MUC5B: variants seen among roughly 807,000 people sequenced by gnomAD.
The protein encoded by MUC5B is mucin-5B.
MUC5B carries 116 observed loss-of-function variants against 376.9 expected under a neutral mutation model. That is an observed-to-expected ratio of 0.31 (90% CI 0.26 to 0.36). MUC5B has a LOEUF of 0.36. MUC5B is among the 10% of genes least tolerant of loss of function. The probability of loss-of-function intolerance (pLI) is 1.00; values close to 1 mark genes in which losing one functional copy is unlikely to be tolerated. For synonymous variants in MUC5B, 3,517 were observed against 3,390.9 expected, an observed-to-expected ratio of 1.04 and a Z score of -1.29; for missense variants, 7,165 against 7,769.9, an observed-to-expected ratio of 0.92 and a Z score of 2.93.
chr11:1,227,085 C>T lies in MUC5B; in HGVS notation c.516C>T (p.Tyr172=), dbSNP rs759012701. 11 of 1,612,588 alleles carry T rather than the reference C, an allele frequency of 6.8e-6. No individual in the cohort carries two copies. The highest frequency in any genetic ancestry group is 9.3e-6 in the Non-Finnish European group (11 of 1,179,770). Residue 172 remains tyrosine, a synonymous_variant, in exon 5 of 49, where the codon TAC becomes TAT. Transcript: ENST00000529681. ...TGLLVEQSGD[Y]IKVSIRLVLT... ...TCCTGGTGGAGCAGAGCGGGGACTA[C>T]ATCAAGGTCAGCATCCGGCTGGTGC...
In MUC5B at chr11:1,246,625, T is replaced by A. The variant is rs1249355801; in HGVS notation, c.9745T>A (p.Trp3249Arg). 6.2e-7 allele frequency: 1 copy of A among 1,611,086 alleles called. No homozygotes were observed. The change falls in exon 31 of 49, where the codon TGG becomes AGG. Residue 3249 changes from tryptophan (W) to arginine (R), a missense_variant. By Grantham distance (101) the Trp-to-Arg change is moderately radical. This residue lies in a region of MUC5B where 939 missense variants were observed against 770.6 expected (regional missense o/e 1.22). Coordinates refer to ENST00000529681, the MANE Select transcript of MUC5B (RefSeq NM_002458.3). ...AIPSSSLGTA[W>R]TRLSQTTTPT... ...CCCCTCTTCCTCCCTGGGCACCGCC[T>A]GGACCCGCCTATCACAGACCACCAC...
chr11:1,252,569 T>C, intron 32 of MUC5B, 45 bp downstream of exon 32: 2 of 1,471,272 alleles, frequency 1.4e-6, no homozygotes, highest in African/African-American at 1.4e-5. Context: ...GTGCACACGG[T>C]CTGGGTTGGC....
intron 31 of MUC5B, among the ~76,000 whole-genome samples, chr11:1,252,100 G>A (rs1195868004): frequency 1.3e-5 from 2 of 151,704 alleles, no homozygotes; most frequent in Non-Finnish European, 2.9e-5. Flanking sequence ...GTCCCCACTG[G>A]CCACACTCGG....
At chr11:1,235,003 C>A in intron 21 of MUC5B, 82 bp from the exon 22 acceptor site, 2 of 1,508,952 alleles carry the variant, frequency 1.3e-6, no homozygotes, top group Non-Finnish European at 1.8e-6. Flanking sequence ...CCCGTGCTGA[C>A]CTGCACAGGC....
At chr11:1,239,633 G>A (rs1862233508) in intron 27 of MUC5B, 67 bp downstream of exon 27, 2 of 1,514,516 alleles carry the variant, frequency 1.3e-6, no homozygotes, top group African/African-American at 1.4e-5. Flanking sequence ...TGGGGGGGCG[G>A]GGATCCCCAG....
chr11:1,255,302 C>T (rs775875103), intron 36 of MUC5B, 36 bp downstream of exon 36: 15 of 1,503,162 alleles, frequency 1.0e-5, no homozygotes, highest in African/African-American at 9.8e-5. Context: ...GGCCCTGGGG[C>T]GCCCCCGCCC....
Position 1,245,803 on chromosome 11 carries a change from C to T in MUC5B, c.8923C>T (p.Pro2975Ser), listed in dbSNP as rs373214230. The change falls in exon 31 of 49, where the codon CCG (proline) becomes TCG (serine). Residue 2975 changes from proline to serine, a missense_variant. Physicochemically the swap from Pro to Ser is moderately conservative, Grantham distance 74. Around this residue, in one of 31 missense-constraint regions of MUC5B, gnomAD observed 939 missense variants for 770.6 expected, o/e 1.22. Transcript: ENST00000529681. ...CCNYGHCPST[P>S]ATSSTATPSS... ...CAACTACGGCCACTGCCCCAGCACC[C>T]CGGCCACCAGCTCTACGGCCACGCC... The T allele has an allele frequency of 1.5e-5, 25 of 1,613,138 alleles. No individual in the cohort carries two copies. The Admixed American group carries it at 4.0e-4, about 26-fold the overall frequency.
At chr11:1,256,367 C>T (rs951522095) in intron 38 of MUC5B, 142 bp downstream of exon 38, 2 of 617,724 alleles carry the variant, frequency 3.2e-6, no homozygotes, top group African/African-American at 3.7e-5. Flanking sequence ...TGGAAAACAT[C>T]CCCTGCTGCT....
rs1371543806 is a variant in MUC5B, at chr11:1,255,182, C to A, written c.15806C>A (p.Thr5269Asn). 1 of 1,553,386 alleles carries A rather than the reference C, an allele frequency of 6.4e-7. No homozygotes were observed. The highest frequency in any genetic ancestry group is 8.7e-7 in the Non-Finnish European group (1 of 1,148,752). ...TGGGCCCCGACTGGCACACCCCCCACTGCCAGCCCCGCAGCCCCGGTGTCT... is the reference window on the plus strand; with the variant it reads ...TGGGCCCCGACTGGCACACCCCCCAATGCCAGCCCCGCAGCCCCGGTGTCT... ...GCWAPTGTPP[T>N]ASPAAPVSST... The change falls in exon 36 of 49, where the codon ACT (threonine) becomes AAT (asparagine). Residue 5269 changes from threonine (T) to asparagine (N), a missense_variant. Around this residue, in one of 31 missense-constraint regions of MUC5B, gnomAD observed 842 missense variants for 1,016.9 expected, o/e 0.83. Transcript: ENST00000529681.
intron 10 of MUC5B, 48 bp from the exon 11 acceptor site, chr11:1,229,957 C>T (rs1305801243): frequency 2.0e-5 from 31 of 1,558,084 alleles, no homozygotes; most frequent in African/African-American, 2.7e-5. Context: ...GAGGGTGGGG[C>T]CCACCTCCTC....
chr11:1,228,823 C>T (rs892505682), intron 8 of MUC5B, 58 bp downstream of exon 8: 17 of 770,790 alleles, frequency 2.2e-5, no homozygotes, highest in South Asian at 1.2e-4. Flanking sequence ...GCAGGGGGAG[C>T]GCCTTGGGGG....
rs983121915 is a variant in MUC5B at position 1,240,936 on chromosome 11, C to A, written c.4056C>A (p.Gly1352=). Residue 1352 remains glycine, a synonymous_variant, in exon 31 of 49, where the codon GGC becomes GGA. Transcript: ENST00000529681. The stretch of plus-strand genomic sequence containing the variant: ...ACAATGGGCACCGCCCAGAGCCCGG[C>A]CTGGGAGGCGGAGACTTTGAGACGT... ...SWYNGHRPEP[G]LGGGDFETFE... is the part of the protein sequence containing the mutation. 6.2e-7 allele frequency: 1 copy of A among 1,613,196 alleles called. No individual in the cohort carries two copies. Among genetic ancestry groups the A allele is most frequent in the Non-Finnish European group, 8.5e-7 (1 of 1,179,842 alleles).
intron 11 of MUC5B, 84 bp from the exon 12 acceptor site, chr11:1,230,406 C>T: frequency 7.5e-7 from 1 of 1,325,642 alleles, no homozygotes; most frequent in Non-Finnish European, 1.0e-6. Flanking sequence ...CCACATCCCC[C>T]ACATGGGCAT....
intron 18 of MUC5B, among the ~76,000 whole-genome samples, 171 bp from the exon 19 acceptor site, chr11:1,233,621 GC>G (rs1005170707): frequency 6.6e-6 from 1 of 152,060 alleles, no homozygotes; most frequent in African/African-American, 2.4e-5. Flanking sequence ...TTACCCATGT[GC>G]CTCCAGGGGA....
rs751137333 is a variant in MUC5B, at chr11:1,233,278, TG to T, written c.2321+16del. The T allele has an allele frequency of 7.2e-6, 11 of 1,536,232 alleles. No individual in the cohort carries two copies. The highest frequency in any genetic ancestry group is 7.9e-6 in the Non-Finnish European group (9 of 1,142,012). On this transcript the variant is annotated intron_variant, in intron 18 of 48. Transcript: ENST00000529681. ...ACGAGGGCGCCGTGTGGTAAGGGTC[TG>T]GGGGGAAAGCAGGCCCCCCAGGTGC...
In MUC5B at chr11:1,253,160, G is replaced by T; in HGVS notation, c.15217+180G>T. 1 of 748,616 alleles carries T rather than the reference G, an allele frequency of 1.3e-6. No homozygotes were observed. The highest frequency in any genetic ancestry group is 2.7e-5 in the East Asian group (1 of 37,054). The allele number at this position is 748,616 out of a possible 1,614,324, so 46.4% of individuals were successfully genotyped here. A position where few individuals can be genotyped will look rare whatever the true frequency, so the allele number is the denominator to read the frequency against. On this transcript the variant is annotated intron_variant, in intron 33 of 48. Transcript: ENST00000529681. The surrounding 1 kb of genome is among the most constrained non-coding windows in gnomAD (Gnocchi z 4.3). ...GTGGGGCATGGTGGGGTGTGGTGGT[G>T]GTGTTTGGGAGATCGCTGGCATCCC...
chr11:1,248,274 C>G lies in MUC5B; in HGVS notation c.11394C>G (p.Pro3798=). Residue 3798 remains proline, a synonymous_variant, in exon 31 of 49, where the codon CCC becomes CCG. Coordinates refer to ENST00000529681, the MANE Select transcript of MUC5B (RefSeq NM_002458.3). Reference sequence around the variant, plus strand: ...CAGCTACCAGCTTTACAGCCATCCCCTCCTCCTCCCTGGGCACCACCTGGA... The same window carrying G: ...CAGCTACCAGCTTTACAGCCATCCCGTCCTCCTCCCTGGGCACCACCTGGA... ...TPTATSFTAI[P]SSSLGTTWTR... 6.3e-7 allele frequency: 1 copy of G among 1,597,018 alleles called. No individual in the cohort carries two copies. Among genetic ancestry groups the G allele is most frequent in the Non-Finnish European group, 8.6e-7 (1 of 1,168,454 alleles).
At chr11:1,229,033 G>T in intron 8 of MUC5B, 137 bp from the exon 9 acceptor site, 1 of 1,116,992 alleles carries the variant, frequency 9.0e-7, no homozygotes, top group Non-Finnish European at 1.2e-6. Context: ...GATGAGGGGC[G>T]TCAGGGCCAC....
In MUC5B at chr11:1,250,957, A is replaced by G; in HGVS notation, c.14077A>G (p.Thr4693Ala). The G allele has an allele frequency of 6.2e-7, 1 of 1,610,374 alleles. No homozygotes were observed. The highest frequency in any genetic ancestry group is 8.5e-7 in the Non-Finnish European group (1 of 1,178,108). ...TATTITATGS[T>A]TNPSSTPGTT... ...CACTACGATCACGGCCACCGGCTCC[A>G]CCACCAACCCCTCCTCAACTCCAGG... is the stretch of plus-strand genomic sequence containing the variant. Residue 4693 changes from threonine to alanine, a missense_variant, in exon 31 of 49, where the codon ACC becomes GCC. By Grantham distance (58) the Thr-to-Ala change is moderately conservative. Transcript: ENST00000529681.
Sources: allele counts gnomAD v4.1 joint callset (sites outside exome capture counted in the v4.1 genomes callset), GRCh38; gene constraint gnomAD v4.1.1; regional missense constraint gnomAD v4.1.1; non-coding constraint Gnocchi (gnomAD v3.1); transcripts MANE v1.5; gene names NCBI Gene and HGNC (gene_info 2026-07-23, HGNC 2026-07-21).